UTP20: variants seen among roughly 807,000 people sequenced by gnomAD.
UTP20 encodes small subunit processome component 20 homolog.
In UTP20, 164 loss-of-function variants were observed where a neutral mutation model predicts 329.5. The ratio of observed to expected loss-of-function variants is 0.50; its 90% CI spans 0.44 to 0.57. The LOEUF is 0.57. UTP20 is among the 20% of genes least tolerant of loss of function. The pLI, the probability that UTP20 is intolerant of heterozygous loss-of-function variation, is 0.00. For missense variants in UTP20, 3,055 were observed against 3,284.2 expected, an observed-to-expected ratio of 0.93 and a Z score of 1.71; for synonymous variants, 1,151 against 1,159.3, an observed-to-expected ratio of 0.99 and a Z score of 0.14.
intron 43 of UTP20, 83 bp downstream of exon 43, chr12:101,357,165 T>C (rs2120985359): frequency 7.5e-7 from 1 of 1,338,954 alleles, no homozygotes; most frequent in Non-Finnish European, 1.0e-6. Context: ...TATGGAACTT[T>C]GGGCCTGTCT....
chr12:101,328,785 C>T lies in UTP20; in HGVS notation c.3209-456C>T, dbSNP rs375280539. 4.6e-5 allele frequency among the ~76,000 whole-genome samples: 7 copies of T among 151,172 alleles called. 1 individual carries two copies. In the South Asian group the frequency reaches 1.3e-3, roughly 27 times the overall value. The stretch of plus-strand genomic sequence containing the variant: ...TTGGGAAGCTGAGGCAGGAGAACCG[C>T]GTGGACCCGGGAGGCAGAGATTGCA... On this transcript the variant is annotated intron_variant, in intron 26 of 61. Transcript: ENST00000261637.
In UTP20 at chr12:101,379,388, C is replaced by A. The variant is rs2121056135; in HGVS notation, c.7414C>A (p.Leu2472Met). 1 of 1,610,690 alleles carries A rather than the reference C, an allele frequency of 6.2e-7. No individual in the cohort carries two copies. The highest frequency in any genetic ancestry group is 2.2e-5 in the East Asian group (1 of 44,822). The change falls in exon 57 of 62, where the codon CTG (leucine) becomes ATG (methionine). Residue 2472 changes from leucine to methionine, a missense_variant. By Grantham distance (15) the Leu-to-Met change is conservative. Around this residue, in one of 3 missense-constraint regions of UTP20, gnomAD observed 273 missense variants for 363.1 expected, o/e 0.75. Coordinates refer to ENST00000261637, the MANE Select transcript of UTP20 (RefSeq NM_014503.3). ...TCCCTTAGGTCATGTGCATTCTCAC[C>A]TGAGACATCCACACAACTGGGTGTG... is the stretch of plus-strand genomic sequence containing the variant. ...SKIWSHVHSHLRHPHNWVWLT... is the reference protein window; with the variant it reads ...SKIWSHVHSHMRHPHNWVWLT...
At chr12:101,353,999 C>T (rs1443962166) in intron 40 of UTP20, among the ~76,000 whole-genome samples, 3 of 151,972 alleles carry the variant, frequency 2.0e-5, no homozygotes, top group Admixed American at 1.3e-4. Context: ...GTGGCTCACA[C>T]CTGTAATCCC....
chr12:101,346,484 G>T lies in UTP20; in HGVS notation c.4780G>T (p.Ala1594Ser). 1 of 1,608,780 alleles carries T rather than the reference G, an allele frequency of 6.2e-7. No individual in the cohort carries two copies. The highest frequency in any genetic ancestry group is 8.5e-7 in the Non-Finnish European group (1 of 1,178,050). Residue 1594 changes from alanine (A) to serine (S), a missense_variant, in exon 38 of 62, where the codon GCA becomes TCA. Around this residue, in one of 3 missense-constraint regions of UTP20, gnomAD observed 2,445 missense variants for 2,575.5 expected, o/e 0.95. Coordinates refer to ENST00000261637, the MANE Select transcript of UTP20 (RefSeq NM_014503.3). The part of the protein sequence containing the change: ...HRRARALKKL[A>S]KQLMEGKVVL... ...AAGAGCAAGAGCCTTGAAGAAACTT[G>T]CAAAACAACTAATGGAAGGCAAAGT...
At chr12:101,281,556 T>C (rs1037440304) in intron 2 of UTP20, among the ~76,000 whole-genome samples, 1 of 152,190 alleles carries the variant, frequency 6.6e-6, no homozygotes, top group Non-Finnish European at 1.5e-5. Context: ...CAGATCCATA[T>C]TCCTGAAGCT....
chr12:101,328,177 A>T (rs2137265828), intron 26 of UTP20, among the ~76,000 whole-genome samples: 1 of 152,304 alleles, frequency 6.6e-6, no homozygotes, highest in East Asian at 1.9e-4. Context: ...TTTTTCATTC[A>T]GTATAATATT....
chr12:101,356,431 TTTC>T (rs1203479395), intron 41 of UTP20, 120 bp from the exon 42 acceptor site: 48 of 995,272 alleles, frequency 4.8e-5, no homozygotes, highest in Non-Finnish European at 5.0e-5. Flanking sequence ...CAGCCTTTTC[TTTC>T]TTCTTTTTAT....
At chr12:101,309,289 GGGAAT>G (rs950884897) in intron 18 of UTP20, among the ~76,000 whole-genome samples, 1 of 152,194 alleles carries the variant, frequency 6.6e-6, no homozygotes, top group African/African-American at 2.4e-5. Context: ...CCTAGCACAT[GGGAAT>G]GTTAGTAATA....
At chr12:101,364,194 G>A (rs1179820882) in intron 45 of UTP20, among the ~76,000 whole-genome samples, 1 of 152,164 alleles carries the variant, frequency 6.6e-6, no homozygotes, top group Non-Finnish European at 1.5e-5. Context: ...AATTGCTTGA[G>A]CCCAGGAGTT....
rs562600430 is a variant in UTP20, at chr12:101,328,125, T to C, written c.3208+878T>C. Among the ~76,000 whole-genome samples, 8 of 152,328 alleles carry C rather than the reference T, an allele frequency of 5.3e-5. No individual in the cohort carries two copies. In the South Asian group the frequency reaches 1.7e-3, roughly 32 times the overall value. ...TTATAGGGTATTCTGTTGCATTTGT[T>C]TTTGTATTTTTTCTATGATAATAGG... On this transcript the variant is annotated intron_variant, in intron 26 of 61. Coordinates refer to ENST00000261637, the MANE Select transcript of UTP20 (RefSeq NM_014503.3).
Position 101,371,178 on chromosome 12 carries a change from G to A in UTP20, c.6798+10G>A. 1 of 1,592,680 alleles carries A rather than the reference G, an allele frequency of 6.3e-7. No homozygotes were observed. The stretch of plus-strand genomic sequence containing the variant: ...GGTCCAGTGTAGACAGGTTTGTAGA[G>A]AGCACTTATCCCCATAGCAAGGGCT... On this transcript the variant is annotated intron_variant, in intron 51 of 61. Coordinates refer to ENST00000261637, the MANE Select transcript of UTP20 (RefSeq NM_014503.3).
chr12:101,302,188 C>A (rs553184920), intron 14 of UTP20, among the ~76,000 whole-genome samples: 64 of 152,302 alleles, frequency 4.2e-4, no homozygotes, highest in African/African-American at 1.4e-3. Flanking sequence ...CCTCAGCACC[C>A]CCAAAGTGCT....
At chr12:101,342,919 A>C (rs1222284164) in intron 34 of UTP20, 22 bp from the exon 35 acceptor site, 4 of 1,609,302 alleles carry the variant, frequency 2.5e-6, no homozygotes, top group Non-Finnish European at 3.4e-6. Flanking sequence ...CTTTTATATA[A>C]CTTCAATGGC....
At chr12:101,379,314 T>C in intron 56 of UTP20, 57 bp from the exon 57 acceptor site, 1 of 1,457,266 alleles carries the variant, frequency 6.9e-7, no homozygotes, top group South Asian at 1.4e-5. Flanking sequence ...CTTAGTCATA[T>C]TTACCTCTAA....
intron 15 of UTP20, among the ~76,000 whole-genome samples, chr12:101,304,583 C>T (rs1872605798): frequency 1.3e-5 from 2 of 152,204 alleles, no homozygotes; most frequent in Admixed American, 1.3e-4. Context: ...TCATCACCCT[C>T]TAATACAGTG....
At chr12:101,314,385 G>A (rs1872894850) in intron 21 of UTP20, among the ~76,000 whole-genome samples, 1 of 152,184 alleles carries the variant, frequency 6.6e-6, no homozygotes, top group African/African-American at 2.4e-5. Flanking sequence ...TTGGCTGGGT[G>A]CAGTGGCTCA....
chr12:101,288,247 GA>G (rs1331207344), intron 5 of UTP20, among the ~76,000 whole-genome samples: 2 of 152,150 alleles, frequency 1.3e-5, no homozygotes, highest in Non-Finnish European at 2.9e-5. Flanking sequence ...TGTCAGCAAG[GA>G]ACTATTAGGT....
rs566201001 is a variant in UTP20, at chr12:101,329,963, C to G, written c.3417+514C>G. Among the ~76,000 whole-genome samples the G allele has an allele frequency of 6.0e-5, 9 of 150,386 alleles. No homozygotes were observed. In the East Asian group the frequency reaches 1.4e-3, roughly 23 times the overall value. ...TAGGCCAAGATCACACCACTGCATT[C>G]CAGCATGGGCAACAGAGTGAGACTC... On this transcript the variant is annotated intron_variant, in intron 27 of 61. Transcript: ENST00000261637.
Position 101,282,894 on chromosome 12 carries a change from T to C in UTP20, c.126+1698T>C, listed in dbSNP as rs911070970. On this transcript the variant is annotated intron_variant, in intron 2 of 61. Transcript: ENST00000261637. ...ATGTTGAGGAAGTAGAATGAATGGATAGGACTTGTGACCTACTGGGTTTGC... is the reference window on the plus strand; with the variant it reads ...ATGTTGAGGAAGTAGAATGAATGGACAGGACTTGTGACCTACTGGGTTTGC... 5.3e-5 allele frequency among the ~76,000 whole-genome samples: 8 copies of C among 152,156 alleles called. No homozygotes were observed. In the East Asian group the frequency reaches 1.5e-3, roughly 29 times the overall value.
Sources: allele counts gnomAD v4.1 joint callset (sites outside exome capture counted in the v4.1 genomes callset), GRCh38; gene constraint gnomAD v4.1.1; regional missense constraint gnomAD v4.1.1; transcripts MANE v1.5; gene names NCBI Gene and HGNC (gene_info 2026-07-23, HGNC 2026-07-21).